RARB: variants seen among roughly 807,000 people sequenced by gnomAD.
RARB encodes HBV-activated protein.
A neutral mutation model predicts 51.9 loss-of-function variants in RARB; 17 were observed. That is an observed-to-expected ratio of 0.33 (90% CI 0.22 to 0.49). The LOEUF is 0.49. Ranked by LOEUF, RARB falls within the 20% of genes least tolerant of loss-of-function variation. The probability of loss-of-function intolerance (pLI) is 0.99; values close to 1 mark genes in which losing one functional copy is unlikely to be tolerated. For synonymous variants in RARB, 215 were observed against 195.4 expected (o/e 1.10, Z -0.84); for missense variants, 369 against 550.8 (o/e 0.67, Z 3.30).
intron 5 of RARB, among the ~76,000 whole-genome samples, chr3:25,203,575 G>T (rs1259252304): frequency 2.0e-5 from 3 of 152,176 alleles, no homozygotes; most frequent in Non-Finnish European, 1.5e-5. Flanking sequence ...GGTACTGGTT[G>T]TTCCTTTCCA....
chr3:25,392,113 T>G (rs921674354), intron 5 of RARB, among the ~76,000 whole-genome samples: 2 of 152,170 alleles, frequency 1.3e-5, no homozygotes, highest in Admixed American at 1.3e-4. Flanking sequence ...GCATGTGGCT[T>G]GCCAATTTTC....
chr3:25,038,624 TCTG>T (rs535990174), intron 2 of RARB, among the ~76,000 whole-genome samples: 61 of 152,298 alleles, frequency 4.0e-4, no homozygotes, highest in African/African-American at 1.4e-3. Flanking sequence ...CACACACAGT[TCTG>T]CTGAAGAAAA....
At chr3:24,844,066 ACAGT>A (rs1211545790) in intron 1 of RARB, among the ~76,000 whole-genome samples, 1 of 152,212 alleles carries the variant, frequency 6.6e-6, no homozygotes, top group African/African-American at 2.4e-5. Context: ...AAAACAGCCA[ACAGT>A]CAGACAAGCA....
At chr3:25,169,446 T>G (rs1257737757) in intron 4 of RARB, among the ~76,000 whole-genome samples, 1 of 152,186 alleles carries the variant, frequency 6.6e-6, no homozygotes, top group African/African-American at 2.4e-5. Flanking sequence ...TAAAGAAGAC[T>G]AATCAAATTA....
chr3:25,046,802 G>T (rs888436395), intron 2 of RARB, among the ~76,000 whole-genome samples: 2 of 152,062 alleles, frequency 1.3e-5, no homozygotes, highest in African/African-American at 4.8e-5. Context: ...AAAATATTAA[G>T]CTTGACTAAT....
intron 2 of RARB, among the ~76,000 whole-genome samples, chr3:25,009,298 CTTAG>C (rs897125711): frequency 7.2e-5 from 11 of 152,250 alleles, no homozygotes; most frequent in African/African-American, 2.2e-4. Context: ...AATTTTGTGA[CTTAG>C]TTAATGAAGC....
At chr3:25,578,103 T>C (rs1032527304) in intron 4 of RARB, among the ~76,000 whole-genome samples, 4 of 152,238 alleles carry the variant, frequency 2.6e-5, no homozygotes, top group South Asian at 2.1e-4. Context: ...TTTTCCTCCC[T>C]GCACACTCAG....
At chr3:24,976,176 A>G (rs1696508162) in intron 2 of RARB, among the ~76,000 whole-genome samples, 1 of 152,118 alleles carries the variant, frequency 6.6e-6, no homozygotes, top group East Asian at 1.9e-4. Context: ...TTATTGATGG[A>G]CATTTGGGTT....
chr3:25,200,616 G>C (rs1319706816), intron 5 of RARB, among the ~76,000 whole-genome samples: 1 of 152,052 alleles, frequency 6.6e-6, no homozygotes, highest in Non-Finnish European at 1.5e-5. Context: ...ATTAATTTTT[G>C]TACAAGGTGT....
intron 3 of RARB, among the ~76,000 whole-genome samples, chr3:25,511,681 G>C (rs1212504188): frequency 6.6e-6 from 1 of 152,118 alleles, no homozygotes; most frequent in Non-Finnish European, 1.5e-5. Flanking sequence ...AGAGTCTGCA[G>C]CTGTGGCCTG....
chr3:25,234,854 G>C (rs2125392501), intron 5 of RARB, among the ~76,000 whole-genome samples: 1 of 152,188 alleles, frequency 6.6e-6, no homozygotes, highest in Middle Eastern at 3.4e-3. Flanking sequence ...TGGTTCCTCT[G>C]GAGAGGCAGG....
At chr3:25,554,660 C>A (rs1467532954) in intron 3 of RARB, among the ~76,000 whole-genome samples, 1 of 152,180 alleles carries the variant, frequency 6.6e-6, no homozygotes, top group Non-Finnish European at 1.5e-5. Flanking sequence ...GTGCCGGGCA[C>A]AGAGTTGCAT....
rs141057291 is a variant in RARB at position 25,315,706 on chromosome 3, C to T, written c.178+141131C>T. On this transcript the variant is annotated intron_variant, in intron 5 of 11. Coordinates refer to the RARB transcript ENST00000383772. ...TCAGCTCACTGCAACCTCTGCTTCC[C>T]GGGTTAAAGCGATTCTCGTGCCTCA... Among the ~76,000 whole-genome samples the T allele has an allele frequency of 2.7e-3, 411 of 152,262 alleles. 4 individuals are homozygous for T. The highest frequency in any genetic ancestry group is 9.2e-3 in the African/African-American group (382 of 41,554).
At chr3:25,358,544 T>C (rs367907457) in intron 5 of RARB, among the ~76,000 whole-genome samples, 11 of 152,218 alleles carry the variant, frequency 7.2e-5, no homozygotes, top group African/African-American at 2.7e-4. Context: ...AGAGAGGACA[T>C]TCTTGTCTTG....
At chr3:24,882,076 G>C (rs1703178230) in intron 2 of RARB, among the ~76,000 whole-genome samples, 1 of 152,124 alleles carries the variant, frequency 6.6e-6, no homozygotes, top group South Asian at 2.1e-4. Flanking sequence ...CTTGTATTTG[G>C]AGAATAAGAG....
intron 5 of RARB, among the ~76,000 whole-genome samples, chr3:25,418,667 A>G (rs976845700): frequency 1.3e-4 from 20 of 152,158 alleles, no homozygotes; most frequent in African/African-American, 4.6e-4. Context: ...GACAACAGCT[A>G]TAGGAGAAGA....
intron 2 of RARB, among the ~76,000 whole-genome samples, chr3:24,992,455 G>A (rs911548151): frequency 6.6e-6 from 1 of 152,232 alleles, no homozygotes; most frequent in African/African-American, 2.4e-5. Flanking sequence ...GATAAAACCA[G>A]AGAAAATTTG....
chr3:25,480,164 G>A (rs76601762), intron 2 of RARB, among the ~76,000 whole-genome samples: 5,891 of 152,250 alleles, frequency 0.039, 162 homozygotes, highest in Non-Finnish European at 0.059. Context: ...TGGCTCCATC[G>A]TTTGGACAAA....
chr3:24,990,045 C>T lies in RARB; in HGVS notation c.-379-70080C>T, dbSNP rs113148420. Among the ~76,000 whole-genome samples, 124 of 102,294 alleles carry T rather than the reference C, an allele frequency of 1.2e-3. 35 individuals carry two copies. Among genetic ancestry groups the T allele is most frequent in the African/African-American group, 4.3e-3 (113 of 26,142 alleles). The allele number at this position is 102,294 out of a possible 152,430, so 67.1% of individuals were successfully genotyped here. On this transcript the variant is annotated intron_variant, in intron 2 of 11. Coordinates refer to the RARB transcript ENST00000383772. Reference sequence around the variant, plus strand: ...CGATCTCCTGACCTCATGATCCACCCGCCTCGGCCTCCCAAAGTCCTGGGA... The same window carrying T: ...CGATCTCCTGACCTCATGATCCACCTGCCTCGGCCTCCCAAAGTCCTGGGA...
Sources: gnomAD v4.1 joint callset for allele counts (sites outside exome capture counted in the v4.1 genomes callset) on GRCh38, gnomAD v4.1.1 for gene constraint, MANE v1.5 for transcripts, NCBI Gene and HGNC (gene_info 2026-07-23, HGNC 2026-07-21) for gene names.